The following MEF2A variants were observed in gnomAD, a reference collection of about 807,000 sequenced individuals.
The protein encoded by MEF2A is myocyte-specific enhancer factor 2A.
A neutral mutation model predicts 55.8 loss-of-function variants in MEF2A; 28 were observed. The ratio of observed to expected loss-of-function variants is 0.50; its 90% confidence interval spans 0.37 to 0.69. MEF2A has a LOEUF of 0.69. MEF2A is among the 30% of genes least tolerant of loss of function. The pLI is 0.00. For synonymous variants in MEF2A, 239 were observed against 227.1 expected (o/e 1.05, Z -0.47); for missense variants, 528 against 626.2 (o/e 0.84, Z 1.67).
At chr15:99,666,613 A>T (rs373742327) in intron 4 of MEF2A, among the ~76,000 whole-genome samples, 2 of 91,904 alleles carry the variant, frequency 2.2e-5, no homozygotes, top group African/African-American at 5.9e-5. Flanking sequence ...ATAATAATAA[A>T]AAGATCAGCA....
intron 3 of MEF2A, among the ~76,000 whole-genome samples, chr15:99,642,304 A>C (rs945035593): frequency 6.6e-5 from 10 of 152,170 alleles, no homozygotes; most frequent in Non-Finnish European, 1.0e-4. Context: ...CAGTAACTTA[A>C]TCTGAATATG....
intron 9 of MEF2A, 21 bp downstream of exon 9, chr15:99,703,406 G>A (rs1477053582): frequency 1.3e-6 from 2 of 1,590,774 alleles, no homozygotes; most frequent in Non-Finnish European, 1.7e-6. Flanking sequence ...GTTTCTGCTT[G>A]AAGGAAGTTG....
chr15:99,566,141 C>T (rs1225582944), intron 1 of MEF2A, 37 bp downstream of exon 1: 35 of 150,632 alleles, frequency 2.3e-4, no homozygotes, highest in Admixed American at 2.2e-3. Context: ...GTCCGCGACG[C>T]CGGTAGTGCT....
chr15:99,641,815 CCTCTGGGGTTT>C (rs2045031380), intron 3 of MEF2A, among the ~76,000 whole-genome samples: 1 of 152,166 alleles, frequency 6.6e-6, no homozygotes, highest in African/African-American at 2.4e-5. Context: ...TCCAGCATAC[CCTCTGGGGTTT>C]CTCACTTTTT....
At chr15:99,577,448 C>G (rs1596241672) in intron 1 of MEF2A, among the ~76,000 whole-genome samples, 1 of 151,860 alleles carries the variant, frequency 6.6e-6, no homozygotes, top group Non-Finnish European at 1.5e-5. Context: ...TGGACATAGA[C>G]GATTTGTGCT....
intron 2 of MEF2A, among the ~76,000 whole-genome samples, chr15:99,611,686 T>C (rs981110553): frequency 1.4e-4 from 21 of 152,224 alleles, no homozygotes; most frequent in African/African-American, 4.8e-4. Flanking sequence ...TCTGGTAGAA[T>C]TGAAAGTATA....
chr15:99,595,729 G>A (rs924191812), intron 1 of MEF2A, among the ~76,000 whole-genome samples: 1 of 152,180 alleles, frequency 6.6e-6, no homozygotes, highest in African/African-American at 2.4e-5. Flanking sequence ...GATAGTTAAG[G>A]TGTACTGAAG....
chr15:99,670,693 A>G (rs1293468400), intron 4 of MEF2A, among the ~76,000 whole-genome samples: 1 of 152,250 alleles, frequency 6.6e-6, no homozygotes, highest in Non-Finnish European at 1.5e-5. Flanking sequence ...CACTCTGAAT[A>G]ACTTTTGAGT....
intron 2 of MEF2A, among the ~76,000 whole-genome samples, chr15:99,624,345 A>G (rs1344647642): frequency 1.3e-5 from 2 of 152,042 alleles, no homozygotes; most frequent in African/African-American, 2.4e-5. Context: ...ATCTATTGTG[A>G]TTTAATTTTT....
chr15:99,666,578 T>TAATAATAATA (rs2049781940), intron 4 of MEF2A, among the ~76,000 whole-genome samples: 2 of 141,270 alleles, frequency 1.4e-5, no homozygotes, highest in Admixed American at 7.1e-5. Context: ...GAACTTAAAG[T>TAATAATAATA]ATAATAATAA....
intron 8 of MEF2A, among the ~76,000 whole-genome samples, chr15:99,701,434 CTGAG>C (rs1209728330): frequency 2.6e-5 from 4 of 152,144 alleles, no homozygotes; most frequent in Non-Finnish European, 5.9e-5. Context: ...AAAGGAAAGA[CTGAG>C]GAACTGTCAC....
chr15:99,592,230 G>A (rs1484585257), intron 1 of MEF2A, among the ~76,000 whole-genome samples: 1 of 152,026 alleles, frequency 6.6e-6, no homozygotes, highest in Non-Finnish European at 1.5e-5. Flanking sequence ...TCTACTGATT[G>A]CCCAGGTTTC....
chr15:99,571,906 T>G (rs1184266751), intron 1 of MEF2A, among the ~76,000 whole-genome samples: 1 of 152,196 alleles, frequency 6.6e-6, no homozygotes, highest in Non-Finnish European at 1.5e-5. Context: ...AGTCCACTGC[T>G]CTTAGTCTTC....
chr15:99,605,930 C>A (rs1974952952), intron 2 of MEF2A, among the ~76,000 whole-genome samples: 1 of 152,102 alleles, frequency 6.6e-6, no homozygotes, highest in African/African-American at 2.4e-5. Flanking sequence ...AGATCATGCC[C>A]TGTGTTGGAT....
chr15:99,638,260 A>AT (rs1200701797), intron 3 of MEF2A, among the ~76,000 whole-genome samples: 4 of 151,992 alleles, frequency 2.6e-5, no homozygotes, highest in African/African-American at 9.7e-5. Flanking sequence ...TCTTAAAAAA[A>AT]ATTTTTTTTT....
intron 8 of MEF2A, among the ~76,000 whole-genome samples, chr15:99,691,339 A>G (rs1203067676): frequency 2.0e-5 from 3 of 152,298 alleles, no homozygotes; most frequent in African/African-American, 7.2e-5. Flanking sequence ...TGTACTTTGT[A>G]TACTTTCATT....
At chr15:99,710,875 C>T in intron 11 of MEF2A, 115 bp downstream of exon 11, 1 of 1,220,224 alleles carries the variant, frequency 8.2e-7, no homozygotes, top group Non-Finnish European at 1.1e-6. Flanking sequence ...TGTAATGATT[C>T]CTTTTCAGGT....
chr15:99,708,504 C>A (rs1369340797), intron 10 of MEF2A, among the ~76,000 whole-genome samples: 3 of 152,222 alleles, frequency 2.0e-5, no homozygotes, highest in Non-Finnish European at 2.9e-5. Context: ...CTCTCAAAAT[C>A]ATCAGTCGCT....
Position 99,714,220 on chromosome 15 carries a change from ATGTGT to A in MEF2A, c.*1453_*1457del, listed in dbSNP as rs1468119998. ...TAAGTTCATCCTGCATAAGTATAAA[ATGTGT>A]TGTAACAGATTTTGTAAGGCATTAT... is the stretch of plus-strand genomic sequence containing the variant. On this transcript the variant is annotated 3_prime_UTR_variant, in exon 12 of 12. Coordinates refer to ENST00000557942, the MANE Select transcript of MEF2A (RefSeq NM_001319206.4). 1.3e-5 allele frequency: 2 copies of A among 152,230 alleles called. No individual in the cohort carries two copies. Among genetic ancestry groups the A allele is most frequent in the African/African-American group, 2.4e-5 (1 of 41,456 alleles). The allele number at this position is 152,230 out of a possible 1,614,324, so 9.4% of individuals were successfully genotyped here.
Sources: gnomAD v4.1 joint callset for allele counts (sites outside exome capture counted in the v4.1 genomes callset) on GRCh38, gnomAD v4.1.1 for gene constraint, MANE v1.5 for transcripts, NCBI Gene and HGNC (gene_info 2026-07-23, HGNC 2026-07-21) for gene names.